ARB2A: variants seen among roughly 807,000 people sequenced by gnomAD.
ARB2A encodes the protein ARB2 cotranscriptional regulator A, also known as cotranscriptional regulator ARB2A.
At chr5:93,895,631 C>T in the ARB2A span, among the ~76,000 whole-genome samples, 1 of 152,042 alleles carries the variant, frequency 6.6e-6, no homozygotes, top group South Asian at 2.1e-4. Flanking sequence ...TATATCACAT[C>T]ATAATGTGCT....
At chr5:93,905,628 C>G in the ARB2A span, among the ~76,000 whole-genome samples, 1 of 151,544 alleles carries the variant, frequency 6.6e-6, no homozygotes, top group African/African-American at 2.4e-5. Flanking sequence ...GGGCTCTAGA[C>G]TTGGTGATTG....
At chr5:93,748,380 T>C in the ARB2A span, among the ~76,000 whole-genome samples, 1 of 152,108 alleles carries the variant, frequency 6.6e-6, no homozygotes, top group African/African-American at 2.4e-5. Flanking sequence ...GGAGTTTAAA[T>C]ACTGTACTGC....
the ARB2A span, chr5:93,805,088 G>A: frequency 3.1e-6 from 3 of 968,550 alleles, no homozygotes; most frequent in Non-Finnish European, 3.7e-6. Context: ...TCACTACAAA[G>A]TTACCATGGT....
chr5:93,741,412 C>T, the ARB2A span: 1 of 1,613,402 alleles, frequency 6.2e-7, no homozygotes, highest in Non-Finnish European at 8.5e-7. Flanking sequence ...GATCCCTGGC[C>T]TGACTGCCGG....
At chr5:93,947,730 T>C in the ARB2A span, among the ~76,000 whole-genome samples, 2 of 137,832 alleles carry the variant, frequency 1.5e-5, no homozygotes, top group Non-Finnish European at 3.1e-5. Flanking sequence ...TGTGTTCTCA[T>C]TGTTCAATTC....
chr5:94,028,241 C>T, the ARB2A span, among the ~76,000 whole-genome samples: 1 of 152,160 alleles, frequency 6.6e-6, no homozygotes, highest in Non-Finnish European at 1.5e-5. Context: ...CAGGGCCTTT[C>T]ATTCTTGGCA....
At chr5:93,892,374 T>C in the ARB2A span, among the ~76,000 whole-genome samples, 1 of 152,200 alleles carries the variant, frequency 6.6e-6, no homozygotes, top group African/African-American at 2.4e-5. Context: ...GTTCACTCTA[T>C]GGATGCATAC....
At chr5:94,082,661 A>T in the ARB2A span, among the ~76,000 whole-genome samples, 5 of 152,224 alleles carry the variant, frequency 3.3e-5, no homozygotes, top group African/African-American at 9.6e-5. Context: ...TAAATGTGTT[A>T]ACAAGTGGGA....
the ARB2A span, among the ~76,000 whole-genome samples, chr5:93,767,129 T>C: frequency 6.6e-6 from 1 of 152,122 alleles, no homozygotes; most frequent in Non-Finnish European, 1.5e-5. Context: ...ACATGGCACA[T>C]GTATACACAT....
the ARB2A span, among the ~76,000 whole-genome samples, chr5:94,099,814 A>G: frequency 6.6e-6 from 1 of 152,094 alleles, no homozygotes; most frequent in South Asian, 2.1e-4. Context: ...GATATCTATG[A>G]GAAACCCGCA....
the ARB2A span, among the ~76,000 whole-genome samples, chr5:93,705,618 T>TGTGC: frequency 3.7e-5 from 5 of 136,470 alleles, no homozygotes; most frequent in African/African-American, 6.5e-5. Flanking sequence ...AATGTGTGTG[T>TGTGC]GTGTGTGTGT....
chr5:93,987,193 A>G, the ARB2A span, among the ~76,000 whole-genome samples: 10 of 152,152 alleles, frequency 6.6e-5, no homozygotes, highest in Non-Finnish European at 1.5e-4. Context: ...TTAATGTCCT[A>G]TTTATCCAAA....
chr5:93,621,105 G>T, the ARB2A span: 1 of 1,612,050 alleles, frequency 6.2e-7, no homozygotes, highest in Non-Finnish European at 8.5e-7. Flanking sequence ...GCTCTTCCAG[G>T]AAGTTAGCTC....
At chr5:94,109,565 GA>G in the ARB2A span, among the ~76,000 whole-genome samples, 7 of 152,064 alleles carry the variant, frequency 4.6e-5, no homozygotes, top group African/African-American at 7.2e-5. Flanking sequence ...TGGGAAAGCT[GA>G]AAAAAATAAA....
the ARB2A span, among the ~76,000 whole-genome samples, chr5:93,648,011 T>G: frequency 6.6e-6 from 1 of 151,956 alleles, no homozygotes; most frequent in African/African-American, 2.4e-5. Flanking sequence ...GGTGTGGTGG[T>G]GCACACCTGT....
At chr5:93,766,416 C>T in the ARB2A span, among the ~76,000 whole-genome samples, 3 of 152,176 alleles carry the variant, frequency 2.0e-5, no homozygotes, top group Non-Finnish European at 4.4e-5. Context: ...GACATTTATG[C>T]AGCCAAAAGA....
the ARB2A span, among the ~76,000 whole-genome samples, chr5:93,754,491 A>T: frequency 1.3e-5 from 2 of 152,208 alleles, no homozygotes; most frequent in African/African-American, 4.8e-5. Flanking sequence ...CTGAAAGTAC[A>T]TAAGCCTTAG....
the ARB2A span, among the ~76,000 whole-genome samples, chr5:93,907,778 T>G: frequency 0.035 from 5,348 of 151,488 alleles, 140 homozygotes; most frequent in South Asian, 0.068. Flanking sequence ...GTTTACATTT[T>G]CTTTTAATTA....
At chr5:93,723,727 G>A in the ARB2A span, among the ~76,000 whole-genome samples, 3 of 151,862 alleles carry the variant, frequency 2.0e-5, no homozygotes, top group South Asian at 2.1e-4. Flanking sequence ...ATGAAATCCC[G>A]TCAAAATTTA....
Sources: gnomAD v4.1 joint callset for allele counts (sites outside exome capture counted in the v4.1 genomes callset) on GRCh38, gnomAD v4.1.1 for gene constraint, MANE v1.5 for transcripts, NCBI Gene and HGNC (gene_info 2026-07-23, HGNC 2026-07-21) for gene names.